GIT2: variants seen among roughly 807,000 people sequenced by gnomAD.
The protein encoded by GIT2 is GIT ArfGAP 2, also known as ARF GTPase-activating protein GIT2.
A neutral mutation model predicts 100.3 loss-of-function variants in GIT2; 32 were observed. The observed-to-expected ratio is 0.32, with a 90% CI of 0.24 to 0.43. The LOEUF is 0.43. Ranked by LOEUF, GIT2 falls within the 20% of genes least tolerant of loss-of-function variation. GIT2 has a pLI of 1.00. For synonymous variants in GIT2, 353 were observed against 364.1 expected, an observed-to-expected ratio of 0.97 and a Z score of 0.35; for missense variants, 737 against 975.1, an observed-to-expected ratio of 0.76 and a Z score of 3.25.
In GIT2 at chr12:109,965,009, G is replaced by T. The variant is rs73419566; in HGVS notation, c.816+517C>A. ...CACAGAGCCGGCAAACTCTGAGCAC[G>T]CACATGGGCCAAGACCACCAGCTTT... On this transcript the variant is annotated intron_variant, in intron 9 of 19. Transcript: ENST00000355312. 2.4e-3 allele frequency among the ~76,000 whole-genome samples: 363 copies of T among 152,244 alleles called. 2 individuals carry two copies. The highest frequency in any genetic ancestry group is 8.4e-3 in the African/African-American group (349 of 41,542).
At chr12:109,954,910 A>T (rs1245377988) in intron 12 of GIT2, among the ~76,000 whole-genome samples, 3 of 149,800 alleles carry the variant, frequency 2.0e-5, no homozygotes, top group Non-Finnish European at 3.0e-5. Context: ...AAAAAAAAAA[A>T]TAATAATAAT....
In GIT2 at chr12:109,934,586, G is replaced by A. The variant is rs1041246686; in HGVS notation, c.2004-501C>T. 6.6e-6 allele frequency among the ~76,000 whole-genome samples: 1 copy of A among 152,088 alleles called. No individual in the cohort carries two copies. The highest frequency in any genetic ancestry group is 2.4e-5 in the African/African-American group (1 of 41,404). On this transcript the variant is annotated intron_variant, in intron 18 of 19. Coordinates refer to ENST00000355312, the MANE Select transcript of GIT2 (RefSeq NM_057169.5). The surrounding 1 kb of genome is among the most constrained non-coding windows in gnomAD (Gnocchi z 4.5). Reference sequence around the variant, plus strand: ...TTTTGTAGAGGAGTCCCACTATGTCGCCCAGCCTTGTGTTGAACTCCTGGA... The same window carrying A: ...TTTTGTAGAGGAGTCCCACTATGTCACCCAGCCTTGTGTTGAACTCCTGGA...
chr12:109,960,135 C>G (rs1472608134), intron 11 of GIT2, among the ~76,000 whole-genome samples, 177 bp from the exon 12 acceptor site: 1 of 152,132 alleles, frequency 6.6e-6, no homozygotes, highest in East Asian at 1.9e-4. Context: ...TCCATATGAA[C>G]AGTTTAAAAC....
At chr12:109,970,063 A>G (rs1883474346) in intron 7 of GIT2, among the ~76,000 whole-genome samples, 3 of 151,792 alleles carry the variant, frequency 2.0e-5, no homozygotes, top group African/African-American at 7.3e-5. Flanking sequence ...GACCTCTTAC[A>G]TTTTCTTCTA....
chr12:109,954,418 A>C (rs1878816200), intron 12 of GIT2: 1 of 152,228 alleles, frequency 6.6e-6, no homozygotes, highest in Non-Finnish European at 1.5e-5. Context: ...GGGAGTGTCT[A>C]TCCCATAGGG....
chr12:109,962,479 T>G lies in GIT2; in HGVS notation c.817-794A>C, dbSNP rs1881336423. On this transcript the variant is annotated intron_variant, in intron 9 of 19. Coordinates refer to ENST00000355312, the MANE Select transcript of GIT2 (RefSeq NM_057169.5). The surrounding 1 kb of genome is among the most constrained non-coding windows in gnomAD (Gnocchi z 4.3). ...CTTTCTCAGTAGCAGTCCTACTGCTTCAGTCTCCAGAAGGAAGCTTCCTAC... is the reference window on the plus strand; with the variant it reads ...CTTTCTCAGTAGCAGTCCTACTGCTGCAGTCTCCAGAAGGAAGCTTCCTAC... Among the ~76,000 whole-genome samples the G allele has an allele frequency of 6.6e-6, 1 of 152,224 alleles. No individual in the cohort carries two copies. The highest frequency in any genetic ancestry group is 6.5e-5 in the Admixed American group (1 of 15,280).
chr12:109,957,969 G>A (rs1445438854), intron 12 of GIT2, among the ~76,000 whole-genome samples: 1 of 151,292 alleles, frequency 6.6e-6, no homozygotes, highest in Non-Finnish European at 1.5e-5. Flanking sequence ...TTTTGAAAAG[G>A]AGTATTGCTC....
rs1871822000 is a variant in GIT2, at chr12:109,932,508, C to G, written c.*470G>C. The G allele has an allele frequency of 6.2e-6, 1 of 162,062 alleles. No individual in the cohort carries two copies. The highest frequency in any genetic ancestry group is 6.0e-5 in the Admixed American group (1 of 16,688). The allele number at this position is 162,062 out of a possible 1,614,324, so 10.0% of individuals were successfully genotyped here. On this transcript the variant is annotated 3_prime_UTR_variant, in exon 20 of 20. Coordinates refer to ENST00000355312, the MANE Select transcript of GIT2 (RefSeq NM_057169.5). ...CATACATGCTTGGAGATACCCCAAA[C>G]TTAGAGATTATGAAGTAGGCCAGGA...
chr12:109,999,663 G>A, upstream of GIT2: 2 of 1,504,568 alleles, frequency 1.3e-6, no homozygotes, highest in Non-Finnish European at 1.8e-6. This position sits in a 1 kb window ranked among gnomAD's most constrained non-coding sequence, Gnocchi z 4.3. Context: ...GGCGGGCGAC[G>A]AGGACCAGGT....
intron 13 of GIT2, chr12:109,952,476 C>CCTGTGAGGCCCACTCTCTTCCGTCGG (rs1878168069): frequency 5.8e-6 from 3 of 518,680 alleles, no homozygotes; most frequent in African/African-American, 1.9e-5. Context: ...CTCTGCACTG[C>CCTGTGAGGCCCACTCTCTTCCGTCGG]CTGTGAGGCC....
At chr12:109,966,375 G>A (rs1882398485) in intron 8 of GIT2, among the ~76,000 whole-genome samples, 1 of 151,680 alleles carries the variant, frequency 6.6e-6, no homozygotes, top group African/African-American at 2.4e-5. Context: ...CTGGTGTGGT[G>A]GCACACACCC....
chr12:109,948,269 G>A lies in GIT2; in HGVS notation c.1393-765C>T, dbSNP rs1416773920. 10 of 986,608 alleles carry A rather than the reference G, an allele frequency of 1.0e-5. No individual in the cohort carries two copies. The highest frequency in any genetic ancestry group is 1.7e-5 in the African/African-American group (1 of 57,386). The allele number at this position is 986,608 out of a possible 1,614,324, so 61.1% of individuals were successfully genotyped here. On this transcript the variant is annotated intron_variant, in intron 14 of 19. Coordinates refer to ENST00000355312, the MANE Select transcript of GIT2 (RefSeq NM_057169.5). The surrounding 1 kb of genome is among the most constrained non-coding windows in gnomAD (Gnocchi z 4.3). ...CAGCACGCTTGCTTCCGTCTGGTGA[G>A]TGATCATCTTTCGGCCAGGGCTGGA...
At position 109,930,554 on chromosome 12, in the gene GIT2, G is replaced by A. The variant is rs1351107764; in HGVS notation, c.*2424C>T. On this transcript the variant is annotated 3_prime_UTR_variant, in exon 20 of 20. Transcript: ENST00000355312. ...AGGAAATGCGCGGGGCACATACAGAGAGGACGACCTGCAGCCCTCCAATGG... is the reference window on the plus strand; with the variant it reads ...AGGAAATGCGCGGGGCACATACAGAAAGGACGACCTGCAGCCCTCCAATGG... 1.3e-5 allele frequency: 2 copies of A among 152,238 alleles called. No individual in the cohort carries two copies. The highest frequency in any genetic ancestry group is 6.5e-5 in the Admixed American group (1 of 15,276). The allele number at this position is 152,238 out of a possible 1,614,324, so 9.4% of individuals were successfully genotyped here. A position where few individuals can be genotyped will look rare whatever the true frequency, so the allele number is the denominator to read the frequency against.
chr12:109,967,208 C>A, intron 8 of GIT2: 1 of 740,324 alleles, frequency 1.4e-6, no homozygotes, highest in Non-Finnish European at 2.3e-6. Context: ...AAAATACTGT[C>A]ACAACTGGCT....
In GIT2 at chr12:109,947,636, A is replaced by G; in HGVS notation, c.1393-132T>C. ...ACAGCTAGCCGGGCTGAAAGTAAAA[A>G]GCCAATACAAACAAGGACCCTTTCT... is the stretch of plus-strand genomic sequence containing the variant. On this transcript the variant is annotated intron_variant, in intron 14 of 19. Transcript: ENST00000355312. This position sits in a 1 kb window ranked among gnomAD's most constrained non-coding sequence, Gnocchi z 4.3. 2 of 798,024 alleles carry G rather than the reference A, an allele frequency of 2.5e-6. No individual in the cohort carries two copies. The highest frequency in any genetic ancestry group is 2.4e-5 in the Admixed American group (1 of 40,828). The allele number at this position is 798,024 out of a possible 1,614,324, so 49.4% of individuals were successfully genotyped here. A position where few individuals can be genotyped will look rare whatever the true frequency, so the allele number is the denominator to read the frequency against.
chr12:109,982,543 T>C (rs1886501346), intron 6 of GIT2: 1 of 152,176 alleles, frequency 6.6e-6, no homozygotes, highest in Non-Finnish European at 1.5e-5. Flanking sequence ...ATGACTGATC[T>C]TTGGCCATTT....
chr12:109,964,675 A>ACACACACG (rs1881894239), intron 9 of GIT2, among the ~76,000 whole-genome samples: 1 of 146,800 alleles, frequency 6.8e-6, no homozygotes, highest in Non-Finnish European at 1.5e-5. Context: ...ACACACACAC[A>ACACACACG]CGGAACCAGA....
At chr12:109,979,379 A>G (rs1372477773) in intron 7 of GIT2, among the ~76,000 whole-genome samples, 1 of 150,980 alleles carries the variant, frequency 6.6e-6, no homozygotes, top group Admixed American at 6.6e-5. Flanking sequence ...GGGTTCAAGC[A>G]ATTCTGCCTC....
chr12:109,991,883 T>C, intron 1 of GIT2, 123 bp from the exon 2 acceptor site: 1 of 758,562 alleles, frequency 1.3e-6, no homozygotes, highest in South Asian at 1.7e-5. Flanking sequence ...AGTATGCTCA[T>C]CAATGCATCA....
Sources: allele counts gnomAD v4.1 joint callset (sites outside exome capture counted in the v4.1 genomes callset), GRCh38; gene constraint gnomAD v4.1.1; non-coding constraint Gnocchi (gnomAD v3.1); transcripts MANE v1.5; gene names NCBI Gene and HGNC (gene_info 2026-07-23, HGNC 2026-07-21).